The following SPIDR variants were observed in gnomAD, a reference collection of about 807,000 sequenced individuals.
SPIDR encodes the protein scaffold protein involved in DNA repair.
SPIDR carries 93 observed loss-of-function variants against 104.6 expected under a neutral mutation model. The observed-to-expected ratio is 0.89, with a 90% confidence interval of 0.75 to 1.06. SPIDR has a LOEUF of 1.06. SPIDR is among the 50% of genes least tolerant of loss of function. The probability of loss-of-function intolerance (pLI) is 0.00; values close to 1 mark genes in which losing one functional copy is unlikely to be tolerated. For missense variants in SPIDR, 1,154 were observed against 1,111.2 expected (o/e 1.04, Z -0.55); for synonymous variants, 431 against 416.9 (o/e 1.03, Z -0.41).
At chr8:47,415,699 C>T (rs782250811) in intron 7 of SPIDR, among the ~76,000 whole-genome samples, 21 of 152,266 alleles carry the variant, frequency 1.4e-4, no homozygotes, top group Non-Finnish European at 2.4e-4. Context: ...TCTGCCAGAG[C>T]GTTGATCTTG....
rs549819236 is a variant in SPIDR, at chr8:47,504,291, T to C, written c.1097+63749T>C. Among the ~76,000 whole-genome samples, 10 of 152,334 alleles carry C rather than the reference T, an allele frequency of 6.6e-5. No individual in the cohort carries two copies. In the South Asian group the frequency reaches 2.1e-3, roughly 32 times the overall value. ...GTACACCAGTCAGACATAGATTTGG[T>C]CTTTTCACATAGTCCCATATTTCTT... On this transcript the variant is annotated intron_variant, in intron 8 of 19. Transcript: ENST00000297423.
intron 6 of SPIDR, among the ~76,000 whole-genome samples, chr8:47,396,956 C>G (rs2061315556): frequency 6.6e-6 from 1 of 151,964 alleles, no homozygotes; most frequent in African/African-American, 2.4e-5. Context: ...TGTCAGATTA[C>G]TTTTATGAGA....
At chr8:47,489,517 G>A (rs1199204015) in intron 8 of SPIDR, among the ~76,000 whole-genome samples, 1 of 152,112 alleles carries the variant, frequency 6.6e-6, no homozygotes, top group Non-Finnish European at 1.5e-5. Flanking sequence ...AAGTTCCTAT[G>A]GAACCAAAAA....
chr8:47,568,047 A>G (rs1465041040), intron 8 of SPIDR, among the ~76,000 whole-genome samples: 1 of 152,018 alleles, frequency 6.6e-6, no homozygotes, highest in Admixed American at 6.6e-5. Context: ...GAGTTCTGGG[A>G]TTACAGGCAT....
At chr8:47,305,551 A>G (rs1586677043) in intron 5 of SPIDR, among the ~76,000 whole-genome samples, 1 of 152,358 alleles carries the variant, frequency 6.6e-6, no homozygotes, top group Non-Finnish European at 1.5e-5. Context: ...GGAATAAACA[A>G]AATTTTGTAC....
chr8:47,322,580 A>G lies in SPIDR; in HGVS notation c.525+28550A>G. Among the ~76,000 whole-genome samples the G allele has an allele frequency of 1.3e-5, 2 of 152,194 alleles. 1 individual carries two copies. Among genetic ancestry groups the G allele is most frequent in the Non-Finnish European group, 2.9e-5 (2 of 68,036 alleles). On this transcript the variant is annotated intron_variant, in intron 5 of 19. Coordinates refer to ENST00000297423, the MANE Select transcript of SPIDR (RefSeq NM_001080394.4). ...AAATACCATTTGACCCAGCCATCCC[A>G]TTACTGGGTATATACCCAAAGGATT...
chr8:47,659,783 G>A (rs1208181458), intron 10 of SPIDR: 5 of 932,420 alleles, frequency 5.4e-6, no homozygotes, highest in Middle Eastern at 5.4e-4. Flanking sequence ...TCCTTGGGTT[G>A]AAGCTTCGTA....
At chr8:47,263,750 G>A (rs2033183777) in intron 1 of SPIDR, among the ~76,000 whole-genome samples, 1 of 152,020 alleles carries the variant, frequency 6.6e-6, no homozygotes, top group African/African-American at 2.4e-5. Flanking sequence ...CTGCTGATTG[G>A]AATCTTAGTC....
intron 8 of SPIDR, among the ~76,000 whole-genome samples, chr8:47,455,821 A>G (rs1212690109): frequency 6.6e-6 from 1 of 152,220 alleles, no homozygotes; most frequent in Non-Finnish European, 1.5e-5. Context: ...AATTTTAAAT[A>G]TATACACACT....
chr8:47,673,065 A>G (rs1194874312), intron 10 of SPIDR, among the ~76,000 whole-genome samples: 1 of 152,234 alleles, frequency 6.6e-6, no homozygotes, highest in Non-Finnish European at 1.5e-5. Context: ...TTTACTGACT[A>G]TAATTTCTTC....
chr8:47,681,177 A>G (rs2077050786), intron 11 of SPIDR, among the ~76,000 whole-genome samples: 1 of 152,218 alleles, frequency 6.6e-6, no homozygotes, highest in Non-Finnish European at 1.5e-5. Flanking sequence ...GCCCTTCATC[A>G]GTTTAGGAGT....
intron 5 of SPIDR, among the ~76,000 whole-genome samples, chr8:47,359,550 G>A (rs544916800): frequency 6.6e-6 from 1 of 152,282 alleles, no homozygotes; most frequent in Non-Finnish European, 1.5e-5. Flanking sequence ...ACATGCATGG[G>A]TAGAGGATGA....
At chr8:47,653,050 A>G (rs916271252) in intron 10 of SPIDR, among the ~76,000 whole-genome samples, 1 of 152,190 alleles carries the variant, frequency 6.6e-6, no homozygotes, top group Non-Finnish European at 1.5e-5. Flanking sequence ...CTGTCTTCTC[A>G]TTCTCCTTAG....
At chr8:47,517,032 T>C (rs570439141) in intron 8 of SPIDR, among the ~76,000 whole-genome samples, 1 of 152,338 alleles carries the variant, frequency 6.6e-6, no homozygotes, top group Non-Finnish European at 1.5e-5. Context: ...TCGCCCAGGC[T>C]GGAGTACAGT....
At chr8:47,403,194 C>G (rs782458227) in intron 6 of SPIDR, among the ~76,000 whole-genome samples, 5 of 152,066 alleles carry the variant, frequency 3.3e-5, no homozygotes, top group Non-Finnish European at 5.9e-5. Flanking sequence ...AGGTATATAT[C>G]GGACATATCT....
chr8:47,723,667 G>A (rs755630635), intron 16 of SPIDR, among the ~76,000 whole-genome samples: 1 of 152,092 alleles, frequency 6.6e-6, no homozygotes, highest in Non-Finnish European at 1.5e-5. Flanking sequence ...CTGACCTCAC[G>A]ATCCTCCCAC....
At chr8:47,440,251 GACAC>G (rs1400193812) in intron 7 of SPIDR, 68 bp from the exon 8 acceptor site, 5 of 1,356,438 alleles carry the variant, frequency 3.7e-6, no homozygotes, top group Non-Finnish European at 5.1e-6. Flanking sequence ...TTTTTTTCAT[GACAC>G]TTTATTCACG....
chr8:47,360,819 A>C (rs2055719614), intron 5 of SPIDR: 3 of 985,346 alleles, frequency 3.0e-6, no homozygotes, highest in Admixed American at 1.2e-4. Context: ...GTTTGTGTCC[A>C]GTGCTTGAAG....
intron 19 of SPIDR, among the ~76,000 whole-genome samples, chr8:47,733,968 T>C (rs1422724271): frequency 4.6e-5 from 7 of 152,124 alleles, no homozygotes; most frequent in Non-Finnish European, 8.8e-5. Flanking sequence ...GTCTTACAAA[T>C]GGGAAAATCA....
Sources: allele counts gnomAD v4.1 joint callset (sites outside exome capture counted in the v4.1 genomes callset), GRCh38; gene constraint gnomAD v4.1.1; transcripts MANE v1.5; gene names NCBI Gene and HGNC (gene_info 2026-07-23, HGNC 2026-07-21).